DPYD: variants seen among roughly 807,000 people sequenced by gnomAD.
DPYD encodes the protein dihydropyrimidine dehydrogenase [NADP(+)].
In DPYD, 109 loss-of-function variants were observed where a neutral mutation model predicts 116.2. The ratio of observed to expected loss-of-function variants is 0.94; its 90% confidence interval spans 0.80 to 1.10. The LOEUF (loss-of-function observed/expected upper bound fraction) is 1.10. DPYD is among the 50% of genes least tolerant of loss of function. DPYD has a pLI of 0.00. For synonymous variants in DPYD, 440 were observed against 432.0 expected (o/e 1.02, Z -0.23); for missense variants, 1,302 against 1,254.5 (o/e 1.04, Z -0.57).
At chr1:97,272,580 T>C (rs903415648) in intron 18 of DPYD, among the ~76,000 whole-genome samples, 1 of 152,162 alleles carries the variant, frequency 6.6e-6, no homozygotes, top group African/African-American at 2.4e-5. Flanking sequence ...TAATTACATA[T>C]ATTCAATCAT....
intron 14 of DPYD, among the ~76,000 whole-genome samples, chr1:97,389,864 CA>C (rs11406485): frequency 6.0e-4 from 85 of 142,502 alleles, no homozygotes; most frequent in Middle Eastern, 3.6e-3. Context: ...GCTTATTTGG[CA>C]AAAAAAAAAA....
At chr1:97,173,944 CA>C (rs1657071600) in intron 20 of DPYD, among the ~76,000 whole-genome samples, 1 of 150,998 alleles carries the variant, frequency 6.6e-6, no homozygotes, top group Non-Finnish European at 1.5e-5. Flanking sequence ...ACAAAATGCA[CA>C]AAGTGTACCC....
intron 3 of DPYD, among the ~76,000 whole-genome samples, chr1:97,819,826 C>A (rs1167511249): frequency 2.0e-5 from 3 of 152,004 alleles, no homozygotes; most frequent in Non-Finnish European, 2.9e-5. Flanking sequence ...AGTCCAAACT[C>A]CAAATGCTGT....
intron 3 of DPYD, among the ~76,000 whole-genome samples, chr1:97,767,229 A>G (rs1381532032): frequency 2.0e-5 from 3 of 152,146 alleles, no homozygotes; most frequent in Non-Finnish European, 2.9e-5. Context: ...TGGATTGGGC[A>G]TATTTTTTCC....
At chr1:97,110,234 T>C (rs1224419300) in intron 20 of DPYD, among the ~76,000 whole-genome samples, 2 of 152,158 alleles carry the variant, frequency 1.3e-5, no homozygotes, top group Non-Finnish European at 2.9e-5. Flanking sequence ...TAGTACATGC[T>C]ATGCGCTGAC....
intron 18 of DPYD, among the ~76,000 whole-genome samples, chr1:97,283,324 T>C (rs1029572867): frequency 6.6e-6 from 1 of 152,126 alleles, no homozygotes; most frequent in Non-Finnish European, 1.5e-5. Context: ...CTCTGTTCCA[T>C]TGGTTTAATC....
intron 13 of DPYD, among the ~76,000 whole-genome samples, chr1:97,485,347 G>A (rs767587500): frequency 3.9e-5 from 6 of 152,034 alleles, no homozygotes; most frequent in African/African-American, 7.2e-5. Flanking sequence ...GACTACAGGA[G>A]TGCACCACGA....
At chr1:97,385,525 TAAA>T (rs34091738) in intron 14 of DPYD, among the ~76,000 whole-genome samples, 3 of 140,716 alleles carry the variant, frequency 2.1e-5, no homozygotes, top group Admixed American at 7.1e-5. Flanking sequence ...ATTTTTTTCT[TAAA>T]AAAAAAAAAA....
intron 4 of DPYD, among the ~76,000 whole-genome samples, chr1:97,725,628 C>A (rs1247288221): frequency 3.3e-5 from 5 of 151,430 alleles, no homozygotes; most frequent in Non-Finnish European, 3.0e-5. Flanking sequence ...AATATGAGTC[C>A]AGATAAAAGC....
chr1:97,721,526 T>C lies in DPYD; in HGVS notation c.467A>G (p.Gln156Arg), dbSNP rs536577604. The stretch of plus-strand genomic sequence containing the variant: ...CATACATACCTCAGTAGCAAATTGC[T>C]GCAATCCACCAATATTAATGGGTCC... ...EEGPINIGGL[Q>R]QFATEVFKAM... is the part of the protein sequence containing the mutation. Residue 156 changes from glutamine (Q) to arginine (R), a missense_variant, in exon 5 of 23, where the codon CAG becomes CGG. Coordinates refer to ENST00000370192, the MANE Select transcript of DPYD (RefSeq NM_000110.4). 13 of 1,611,418 alleles carry C rather than the reference T, an allele frequency of 8.1e-6. No homozygotes were observed. In the South Asian group the frequency reaches 1.4e-4, roughly 18 times the overall value.
At chr1:97,309,331 TTGTGTGTG>T (rs59669909) in intron 16 of DPYD, among the ~76,000 whole-genome samples, 275 of 147,652 alleles carry the variant, frequency 1.9e-3, no homozygotes, top group African/African-American at 6.5e-3. Context: ...GTTGCTTGTC[TTGTGTGTG>T]TGTGTGTGTG....
chr1:97,450,013 C>G (rs376695748), intron 14 of DPYD, 46 bp downstream of exon 14: 46 of 1,610,744 alleles, frequency 2.9e-5, no homozygotes, highest in Non-Finnish European at 3.7e-5. Context: ...TAAACATTCA[C>G]CAACTTATGC....
At chr1:97,082,581 T>G in intron 21 of DPYD, 111 bp from the exon 22 acceptor site, 1 of 1,238,570 alleles carries the variant, frequency 8.1e-7, no homozygotes, top group South Asian at 1.2e-5. Flanking sequence ...TTATATTAAC[T>G]TGGGAGACTG....
At chr1:97,176,899 G>GC (rs933971129) in intron 20 of DPYD, among the ~76,000 whole-genome samples, 36 of 34,564 alleles carry the variant, frequency 1.0e-3, no homozygotes, top group African/African-American at 4.7e-3. Context: ...TGTGTGTGTA[G>GC]GGGGGGTGTC....
chr1:97,085,937 C>T (rs937504706), intron 21 of DPYD, among the ~76,000 whole-genome samples: 6 of 152,200 alleles, frequency 3.9e-5, no homozygotes, highest in Non-Finnish European at 7.3e-5. Context: ...GATGATAACA[C>T]TTAATTTTAA....
Position 97,483,218 on chromosome 1 carries a change from T to C in DPYD, c.1740+32508A>G, listed in dbSNP as rs1678421763. ...GCCCTGAAGGTATACTGCATACCTC[T>C]TAGCCTCAAATTTCCTTTGCAGTCC... On this transcript the variant is annotated intron_variant, in intron 13 of 22. Transcript: ENST00000370192. 2.0e-5 allele frequency among the ~76,000 whole-genome samples: 3 copies of C among 152,352 alleles called. No individual in the cohort carries two copies. The South Asian group carries it at 6.2e-4, about 32-fold the overall frequency.
intron 5 of DPYD, among the ~76,000 whole-genome samples, chr1:97,716,815 G>C (rs1662642998): frequency 6.6e-6 from 1 of 152,036 alleles, no homozygotes; most frequent in Non-Finnish European, 1.5e-5. Flanking sequence ...CAGAGTGCTT[G>C]ACTTGGGAAG....
At chr1:97,258,302 G>A (rs1202003213) in intron 18 of DPYD, among the ~76,000 whole-genome samples, 1 of 152,052 alleles carries the variant, frequency 6.6e-6, no homozygotes, top group Non-Finnish European at 1.5e-5. Flanking sequence ...TGTACCCCCT[G>A]TCCCAGGGCC....
rs1374701995 is a variant in DPYD at position 97,087,560 on chromosome 1, G to T, written c.2767-5090C>A. ...AAAGTAGTGAGAGCGGCTTGGGTGA[G>T]AGGGAGATTATTAGTGAGAGAGTCA... On this transcript the variant is annotated intron_variant, in intron 21 of 22. Transcript: ENST00000370192. 2.0e-5 allele frequency among the ~76,000 whole-genome samples: 3 copies of T among 152,304 alleles called. No individual in the cohort carries two copies. In the East Asian group the frequency reaches 5.8e-4, roughly 29 times the overall value.
Sources: allele counts gnomAD v4.1 joint callset (sites outside exome capture counted in the v4.1 genomes callset), GRCh38; gene constraint gnomAD v4.1.1; transcripts MANE v1.5; gene names NCBI Gene and HGNC (gene_info 2026-07-23, HGNC 2026-07-21).